GALNT13: variants seen among roughly 807,000 people sequenced by gnomAD.
GALNT13 encodes UDP-GalNAc:polypeptide N-acetylgalactosaminyltransferase 13.
A neutral mutation model predicts 64.2 loss-of-function variants in GALNT13; 28 were observed. The ratio of observed to expected loss-of-function variants is 0.44; its 90% CI spans 0.32 to 0.60. The LOEUF is 0.60. GALNT13 is among the 20% of genes least tolerant of loss of function. The probability of loss-of-function intolerance (pLI) is 0.05; values close to 1 mark genes in which losing one functional copy is unlikely to be tolerated. For synonymous variants in GALNT13, 214 were observed against 224.6 expected, an observed-to-expected ratio of 0.95 and a Z score of 0.42; for missense variants, 577 against 669.8, an observed-to-expected ratio of 0.86 and a Z score of 1.53.
chr2:154,145,066 CTCTCTCTA>C (rs1299045706), intron 4 of GALNT13, among the ~76,000 whole-genome samples: 5 of 104,674 alleles, frequency 4.8e-5, no homozygotes, highest in Admixed American at 9.0e-5. Context: ...CTCTCTCTCT[CTCTCTCTA>C]TCTATCTATC....
At chr2:153,192,868 A>T in the GALNT13 span, among the ~76,000 whole-genome samples, 1 of 151,878 alleles carries the variant, frequency 6.6e-6, no homozygotes, top group African/African-American at 2.4e-5. Flanking sequence ...TCTTCTGTGT[A>T]TAGTCTATAT....
At chr2:154,438,380 C>T (rs1701102929) in intron 11 of GALNT13, among the ~76,000 whole-genome samples, 1 of 152,054 alleles carries the variant, frequency 6.6e-6, no homozygotes, top group Non-Finnish European at 1.5e-5. Flanking sequence ...AAACTGAGGC[C>T]TCACCAAAAC....
chr2:154,370,201 A>G (rs1358676524), intron 9 of GALNT13, among the ~76,000 whole-genome samples: 1 of 152,110 alleles, frequency 6.6e-6, no homozygotes, highest in Non-Finnish European at 1.5e-5. Context: ...AGGGGGATTT[A>G]TATATAGGTA....
chr2:153,629,746 C>T, the GALNT13 span, among the ~76,000 whole-genome samples: 3 of 150,524 alleles, frequency 2.0e-5, no homozygotes, highest in African/African-American at 7.4e-5. Context: ...GCAACCTACT[C>T]ATCTGACAAA....
At chr2:153,682,776 G>T in the GALNT13 span, among the ~76,000 whole-genome samples, 8 of 151,552 alleles carry the variant, frequency 5.3e-5, no homozygotes, top group Non-Finnish European at 1.0e-4. Flanking sequence ...TCCTCCTCTT[G>T]GTCCTAACAC....
At chr2:153,463,354 C>T in the GALNT13 span, among the ~76,000 whole-genome samples, 6 of 152,194 alleles carry the variant, frequency 3.9e-5, no homozygotes, top group South Asian at 1.2e-3. Context: ...TAAGTCACCT[C>T]TTCAGTCTCT....
intron 4 of GALNT13, among the ~76,000 whole-genome samples, chr2:154,186,049 A>G (rs780222000): frequency 5.3e-5 from 8 of 152,046 alleles, no homozygotes; most frequent in East Asian, 1.9e-4. Flanking sequence ...AGCATCACCA[A>G]TCTCATCAGA....
chr2:153,452,742 A>C, the GALNT13 span, among the ~76,000 whole-genome samples: 4 of 152,082 alleles, frequency 2.6e-5, no homozygotes, highest in Admixed American at 2.6e-4. Flanking sequence ...TAAGCAACCA[A>C]TATTGTTTTT....
At chr2:153,550,093 T>C in the GALNT13 span, among the ~76,000 whole-genome samples, 1 of 152,200 alleles carries the variant, frequency 6.6e-6, no homozygotes, top group African/African-American at 2.4e-5. Context: ...TTCTGCTCCC[T>C]GTTTCCTAGA....
chr2:153,404,723 A>G, the GALNT13 span, among the ~76,000 whole-genome samples: 1 of 152,188 alleles, frequency 6.6e-6, no homozygotes, highest in African/African-American at 2.4e-5. Context: ...ATTAATCACT[A>G]GGAAAAAATA....
At chr2:153,117,870 T>C in the GALNT13 span, among the ~76,000 whole-genome samples, 2 of 152,162 alleles carry the variant, frequency 1.3e-5, no homozygotes, top group Admixed American at 6.5e-5. Flanking sequence ...CTGGAAATCA[T>C]TTTCTTTCTT....
the GALNT13 span, among the ~76,000 whole-genome samples, chr2:153,305,702 T>G: frequency 1.3e-5 from 2 of 152,060 alleles, no homozygotes; most frequent in Non-Finnish European, 1.5e-5. Context: ...TGATCTGGGG[T>G]CCTAGAATTA....
intron 2 of GALNT13, among the ~76,000 whole-genome samples, chr2:153,943,984 A>G (rs2105384038): frequency 6.6e-6 from 1 of 152,336 alleles, no homozygotes; most frequent in African/African-American, 2.4e-5. Context: ...TATGAAGGCC[A>G]GATTTTAGCC....
intron 4 of GALNT13, among the ~76,000 whole-genome samples, chr2:154,207,151 G>A (rs2105791479): frequency 6.6e-6 from 1 of 152,274 alleles, no homozygotes; most frequent in African/African-American, 2.4e-5. Flanking sequence ...CAGGGATAAA[G>A]TCTAAATCCC....
chr2:153,539,605 A>C, the GALNT13 span, among the ~76,000 whole-genome samples: 6 of 151,762 alleles, frequency 4.0e-5, no homozygotes, highest in African/African-American at 1.2e-4. Flanking sequence ...TCAGCTTTCT[A>C]CATATGGCTA....
chr2:153,814,449 A>AAGTAAG, the GALNT13 span, among the ~76,000 whole-genome samples: 127 of 148,400 alleles, frequency 8.6e-4, 1 homozygote, highest in South Asian at 3.2e-3. Flanking sequence ...CAATAAATAA[A>AAGTAAG]TAAGTAAGTA....
At chr2:153,391,332 A>G in the GALNT13 span, among the ~76,000 whole-genome samples, 1 of 152,148 alleles carries the variant, frequency 6.6e-6, no homozygotes, top group Middle Eastern at 3.4e-3. Flanking sequence ...GAGCAAGAGG[A>G]TGGTGGCTCA....
the GALNT13 span, among the ~76,000 whole-genome samples, chr2:153,239,541 G>C: frequency 6.6e-6 from 1 of 152,014 alleles, no homozygotes. Context: ...TAACATGAAG[G>C]GATGCTGAAT....
chr2:153,604,282 G>A, the GALNT13 span, among the ~76,000 whole-genome samples: 1 of 151,998 alleles, frequency 6.6e-6, no homozygotes, highest in African/African-American at 2.4e-5. Context: ...TCTTTGAAAG[G>A]GGTGTGAATG....
Sources: allele counts gnomAD v4.1 joint callset (sites outside exome capture counted in the v4.1 genomes callset), GRCh38; gene constraint gnomAD v4.1.1; transcripts MANE v1.5; gene names NCBI Gene and HGNC (gene_info 2026-07-23, HGNC 2026-07-21).